The following TMTC1 variants were observed in gnomAD, a reference collection of about 807,000 sequenced individuals.
TMTC1 encodes the protein transmembrane O-mannosyltransferase targeting cadherins 1.
In TMTC1, 73 loss-of-function variants were observed where a neutral mutation model predicts 104.8. That is an observed-to-expected ratio of 0.70 (90% confidence interval 0.58 to 0.85). The LOEUF (loss-of-function observed/expected upper bound fraction) is 0.85, where lower values mean the gene tolerates loss of function less well. Among genes scored for constraint, TMTC1 ranks in the 40% least tolerant of loss-of-function variants. TMTC1 has a pLI of 0.00. For synonymous variants in TMTC1, 434 were observed against 428.7 expected, an observed-to-expected ratio of 1.01 and a Z score of -0.15; for missense variants, 1,035 against 1,096.1, an observed-to-expected ratio of 0.94 and a Z score of 0.79.
chr12:29,516,785 C>A (rs1019879861), intron 14 of TMTC1, among the ~76,000 whole-genome samples: 24 of 152,180 alleles, frequency 1.6e-4, no homozygotes, highest in Non-Finnish European at 2.5e-4. Context: ...AGAATTTCCT[C>A]TGATTTCATC....
intron 5 of TMTC1, among the ~76,000 whole-genome samples, chr12:29,664,042 C>T (rs544042458): frequency 9.2e-4 from 139 of 151,094 alleles, no homozygotes; most frequent in African/African-American, 3.1e-3. Flanking sequence ...AAAAAATTAG[C>T]CGGGCGTAGT....
At chr12:29,606,131 ATTCCAT>A (rs1312012696) in intron 6 of TMTC1, among the ~76,000 whole-genome samples, 38 of 152,170 alleles carry the variant, frequency 2.5e-4, no homozygotes, top group African/African-American at 8.4e-4. Flanking sequence ...ATCTAGGCTG[ATTCCAT>A]GTCTTTGCTA....
intron 1 of TMTC1, among the ~76,000 whole-genome samples, chr12:29,775,511 C>T (rs1025823459): frequency 6.6e-6 from 1 of 152,124 alleles, no homozygotes; most frequent in Non-Finnish European, 1.5e-5. Context: ...ATAAAGGATA[C>T]AAGTCAGGAC....
chr12:29,775,176 C>A lies in TMTC1; in HGVS notation c.303-7101G>T, dbSNP rs116855303. Among the ~76,000 whole-genome samples the A allele has an allele frequency of 7.4e-3, 1,134 of 152,242 alleles. 7 individuals are homozygous for A. The highest frequency in any genetic ancestry group is 0.031 in the Middle Eastern group (9 of 294). On this transcript the variant is annotated intron_variant, in intron 1 of 17. Transcript: ENST00000539277. Reference sequence around the variant, plus strand: ...AGCAAATAATAAAAATTATGACAGACCAAGGCCAAATATTTTAGTTTTAAC... The same window carrying A: ...AGCAAATAATAAAAATTATGACAGAACAAGGCCAAATATTTTAGTTTTAAC...
At chr12:29,555,579 G>A (rs1945221210) in intron 10 of TMTC1, among the ~76,000 whole-genome samples, 1 of 151,918 alleles carries the variant, frequency 6.6e-6, no homozygotes, top group African/African-American at 2.4e-5. Context: ...GTGGTGTTTG[G>A]TTTTCTGTTC....
chr12:29,601,838 CTTTTTTT>C, intron 7 of TMTC1, among the ~76,000 whole-genome samples: 1 of 137,394 alleles, frequency 7.3e-6, no homozygotes, highest in Non-Finnish European at 1.6e-5. Flanking sequence ...ATAATCATCT[CTTTTTTT>C]TTTTTTTTTT....
chr12:29,586,304 G>A (rs1416600777), intron 7 of TMTC1, among the ~76,000 whole-genome samples: 1 of 152,084 alleles, frequency 6.6e-6, no homozygotes, highest in East Asian at 1.9e-4. Context: ...AGACTTTGCT[G>A]AAGTTGCTTA....
chr12:29,609,281 A>G (rs547066614), intron 6 of TMTC1, among the ~76,000 whole-genome samples: 6 of 151,796 alleles, frequency 4.0e-5, no homozygotes, highest in Admixed American at 3.3e-4. Flanking sequence ...ATCAATCCAC[A>G]GGGAAGCTGA....
chr12:29,676,084 T>C (rs150537814), intron 5 of TMTC1, among the ~76,000 whole-genome samples: 5 of 152,366 alleles, frequency 3.3e-5, no homozygotes, highest in African/African-American at 1.2e-4. Flanking sequence ...CTATAAAGGA[T>C]GGACACAATA....
At chr12:29,770,459 A>G (rs1943569827) in intron 1 of TMTC1, among the ~76,000 whole-genome samples, 1 of 152,180 alleles carries the variant, frequency 6.6e-6, no homozygotes, top group African/African-American at 2.4e-5. Flanking sequence ...TAAATTTAAT[A>G]ACAGGCCCTA....
chr12:29,525,423 T>C (rs1592171553), intron 11 of TMTC1, among the ~76,000 whole-genome samples: 1 of 151,794 alleles, frequency 6.6e-6, no homozygotes, highest in African/African-American at 2.4e-5. Context: ...TGACCTCAGG[T>C]GATCCACCCG....
intron 5 of TMTC1, among the ~76,000 whole-genome samples, chr12:29,654,785 A>G (rs1939679218): frequency 1.3e-5 from 2 of 152,324 alleles, no homozygotes; most frequent in Middle Eastern, 3.4e-3. Flanking sequence ...AATAAAAAGG[A>G]ATCAAGTATT....
chr12:29,714,308 C>T (rs1942017528), intron 5 of TMTC1, among the ~76,000 whole-genome samples: 1 of 152,200 alleles, frequency 6.6e-6, no homozygotes, highest in Non-Finnish European at 1.5e-5. Flanking sequence ...TGTTCTTTGA[C>T]GTGCAGCAGA....
intron 2 of TMTC1, among the ~76,000 whole-genome samples, chr12:29,761,073 A>G (rs890187707): frequency 1.7e-4 from 25 of 148,012 alleles, no homozygotes; most frequent in African/African-American, 4.6e-4. Context: ...ATATGTTTAT[A>G]TTACAGTTAT....
intron 5 of TMTC1, among the ~76,000 whole-genome samples, chr12:29,662,938 T>C (rs993281032): frequency 4.6e-5 from 7 of 152,154 alleles, no homozygotes; most frequent in South Asian, 2.1e-4. Context: ...AAGCACTGCA[T>C]TTAAATCCCT....
chr12:29,707,842 A>G (rs1941791127), intron 5 of TMTC1, among the ~76,000 whole-genome samples: 1 of 152,212 alleles, frequency 6.6e-6, no homozygotes, highest in Non-Finnish European at 1.5e-5. Flanking sequence ...TGAAGTTTAA[A>G]TACGGTCCTC....
chr12:29,751,530 G>C (rs984298701), intron 5 of TMTC1, 136 bp downstream of exon 5: 1 of 852,866 alleles, frequency 1.2e-6, no homozygotes, highest in African/African-American at 1.6e-5. Flanking sequence ...AGGAAGAAGG[G>C]GGTAAGGAGG....
At chr12:29,775,626 A>AC (rs1406919802) in intron 1 of TMTC1, among the ~76,000 whole-genome samples, 1 of 152,148 alleles carries the variant, frequency 6.6e-6, no homozygotes, top group Admixed American at 6.5e-5. Flanking sequence ...AGGTATGATT[A>AC]CCTACCAGGG....
At chr12:29,655,759 T>C (rs1939724895) in intron 5 of TMTC1, among the ~76,000 whole-genome samples, 1 of 152,174 alleles carries the variant, frequency 6.6e-6, no homozygotes, top group Non-Finnish European at 1.5e-5. Flanking sequence ...GTCAAGTCCT[T>C]TGAAACAAAG....
Sources: allele counts gnomAD v4.1 joint callset (sites outside exome capture counted in the v4.1 genomes callset), GRCh38; gene constraint gnomAD v4.1.1; transcripts MANE v1.5; gene names NCBI Gene and HGNC (gene_info 2026-07-23, HGNC 2026-07-21).